Variants in SPAG16 observed in about 807,000 individuals in gnomAD.
SPAG16 encodes the protein sperm associated antigen 16.
A neutral mutation model predicts 80.4 loss-of-function variants in SPAG16; 86 were observed. The ratio of observed to expected loss-of-function variants is 1.07; its 90% CI spans 0.90 to 1.28. The LOEUF (loss-of-function observed/expected upper bound fraction) is 1.28. Among genes scored for constraint, SPAG16 ranks in the 50% most tolerant of loss-of-function variants. The pLI is 0.00. For missense variants in SPAG16, 870 were observed against 765.3 expected (o/e 1.14, Z -1.61); for synonymous variants, 294 against 265.9 (o/e 1.11, Z -1.03).
At chr2:213,682,758 T>C (rs13387951) in intron 10 of SPAG16, among the ~76,000 whole-genome samples, 1,952 of 152,260 alleles carry the variant, frequency 0.013, 41 homozygotes, top group African/African-American at 0.044. Flanking sequence ...GGAATGTTTC[T>C]GGTCGGAGGT....
chr2:213,974,961 A>AAC (rs1466546149), intron 12 of SPAG16, among the ~76,000 whole-genome samples: 1 of 146,720 alleles, frequency 6.8e-6, no homozygotes, highest in African/African-American at 2.7e-5. Flanking sequence ...AAAAAAAAAA[A>AAC]AAAACACAAA....
chr2:213,911,759 C>T (rs1051766603), intron 11 of SPAG16, among the ~76,000 whole-genome samples: 1 of 145,820 alleles, frequency 6.9e-6, no homozygotes, highest in Non-Finnish European at 1.5e-5. Flanking sequence ...AGGCAGCCTC[C>T]ATGTATTGAT....
chr2:213,797,928 T>C (rs931777368), intron 10 of SPAG16, among the ~76,000 whole-genome samples: 2 of 152,212 alleles, frequency 1.3e-5, no homozygotes, highest in Non-Finnish European at 2.9e-5. Flanking sequence ...CATTTTGCAT[T>C]CCTTTCAGCA....
intron 10 of SPAG16, among the ~76,000 whole-genome samples, chr2:213,682,816 G>T (rs2064464413): frequency 6.6e-6 from 1 of 152,106 alleles, no homozygotes; most frequent in Non-Finnish European, 1.5e-5. Context: ...TAGGCTAATG[G>T]TTTGGGGCTG....
intron 12 of SPAG16, among the ~76,000 whole-genome samples, chr2:213,934,675 A>T (rs1474573933): frequency 6.6e-6 from 1 of 152,206 alleles, no homozygotes; most frequent in Non-Finnish European, 1.5e-5. Flanking sequence ...TTAGTTAAGT[A>T]TGTCTGCATC....
chr2:213,782,179 AG>A (rs2070029562), intron 10 of SPAG16, among the ~76,000 whole-genome samples: 1 of 137,078 alleles, frequency 7.3e-6, no homozygotes, highest in Non-Finnish European at 1.6e-5. Flanking sequence ...AATAGTCTTC[AG>A]TTTTTTTTTT....
At chr2:214,285,919 A>G (rs761851220) in intron 15 of SPAG16, among the ~76,000 whole-genome samples, 15 of 152,204 alleles carry the variant, frequency 9.9e-5, no homozygotes, top group South Asian at 2.1e-4. Context: ...TTTCACTGTC[A>G]TAGCCAAAAT....
chr2:213,576,112 A>C (rs2060115360), intron 10 of SPAG16, among the ~76,000 whole-genome samples: 1 of 152,192 alleles, frequency 6.6e-6, no homozygotes, highest in South Asian at 2.1e-4. Context: ...TGATATAATG[A>C]AGGGGTCCTG....
Position 213,680,658 on chromosome 2 carries a change from A to G in SPAG16, c.1071-181827A>G, listed in dbSNP as rs556407888. Among the ~76,000 whole-genome samples, 11 of 152,298 alleles carry G rather than the reference A, an allele frequency of 7.2e-5. No individual in the cohort carries two copies. In the South Asian group the frequency reaches 2.3e-3, roughly 32 times the overall value. On this transcript the variant is annotated intron_variant, in intron 10 of 15. Transcript: ENST00000331683. ...TTTCTCTTCCTAATAATTGTCAACA[A>G]AAAGAGTCAAACTCTGTAAAATATT...
chr2:214,012,212 ACATATG>A (rs2047314654), intron 12 of SPAG16, among the ~76,000 whole-genome samples: 1 of 143,618 alleles, frequency 7.0e-6, no homozygotes, highest in Non-Finnish European at 1.5e-5. Context: ...TCTGATTTAT[ACATATG>A]TATATATATA....
intron 12 of SPAG16, among the ~76,000 whole-genome samples, chr2:213,977,706 CT>C (rs2045490429): frequency 6.6e-6 from 1 of 152,064 alleles, no homozygotes; most frequent in African/African-American, 2.4e-5. Context: ...CATGTTCACA[CT>C]GAGTAATTTT....
intron 9 of SPAG16, among the ~76,000 whole-genome samples, chr2:213,471,495 G>A (rs2073075396): frequency 6.6e-6 from 1 of 152,176 alleles, no homozygotes; most frequent in African/African-American, 2.4e-5. Flanking sequence ...CCCAGTAACA[G>A]ACCAACATCT....
chr2:213,597,822 A>T (rs748382057), intron 10 of SPAG16, among the ~76,000 whole-genome samples: 7 of 152,160 alleles, frequency 4.6e-5, no homozygotes, highest in Non-Finnish European at 1.0e-4. Context: ...GGGCCTGCAA[A>T]CAGAAGTATG....
chr2:213,315,418 C>T (rs1334548709), intron 4 of SPAG16, among the ~76,000 whole-genome samples: 1 of 151,902 alleles, frequency 6.6e-6, no homozygotes, highest in East Asian at 1.9e-4. Context: ...CTTAAGGATA[C>T]TGCTTTTGTA....
At chr2:213,359,142 A>G (rs116236424) in intron 7 of SPAG16, among the ~76,000 whole-genome samples, 9,100 of 152,182 alleles carry the variant, frequency 0.06, 906 homozygotes, top group African/African-American at 0.21. Flanking sequence ...TCCTTCTTCT[A>G]GAAGCTTTGT....
chr2:214,114,713 C>T (rs1406732716), intron 14 of SPAG16, among the ~76,000 whole-genome samples: 1 of 152,192 alleles, frequency 6.6e-6, no homozygotes, highest in African/African-American at 2.4e-5. Context: ...CAGTCTGTCA[C>T]GGCTTCCCTT....
At chr2:213,328,634 G>A (rs943511451) in intron 5 of SPAG16, among the ~76,000 whole-genome samples, 3 of 152,156 alleles carry the variant, frequency 2.0e-5, no homozygotes, top group Non-Finnish European at 4.4e-5. Context: ...GGGAGGTCTT[G>A]TGTACCTGAG....
intron 9 of SPAG16, among the ~76,000 whole-genome samples, chr2:213,405,009 A>G (rs1188949081): frequency 6.6e-6 from 1 of 152,176 alleles, no homozygotes; most frequent in African/African-American, 2.4e-5. Flanking sequence ...CCCAACAGTA[A>G]GCATGTGCTT....
rs200597218 is a variant in SPAG16 at position 213,377,903 on chromosome 2, ATTTTTTTTTTT to A, written c.942+2789_942+2799del. Among the ~76,000 whole-genome samples the A allele has an allele frequency of 5.4e-3, 112 of 20,732 alleles. 1 individual carries two copies. The highest frequency in any genetic ancestry group is 0.02 in the African/African-American group (105 of 5,364). The allele number at this position is 20,732 out of a possible 152,430, so 13.6% of individuals were successfully genotyped here. On this transcript the variant is annotated intron_variant, in intron 9 of 15. Coordinates refer to ENST00000331683, the MANE Select transcript of SPAG16 (RefSeq NM_024532.5). The stretch of plus-strand genomic sequence containing the variant: ...TGTGTATATATATATATATATATAT[ATTTTTTTTTTT>A]TTTTCTTTAGAAGGATAGAACTAAT...
Sources: allele counts gnomAD v4.1 joint callset (sites outside exome capture counted in the v4.1 genomes callset), GRCh38; gene constraint gnomAD v4.1.1; transcripts MANE v1.5; gene names NCBI Gene and HGNC (gene_info 2026-07-23, HGNC 2026-07-21).